Variants in PCDHA2 observed in about 807,000 individuals in gnomAD.
PCDHA2 encodes protocadherin alpha-2.
A neutral mutation model predicts 66.0 loss-of-function variants in PCDHA2; 58 were observed. The ratio of observed to expected loss-of-function variants is 0.88; its 90% CI spans 0.71 to 1.09. PCDHA2 has a LOEUF of 1.09. PCDHA2 is among the 50% of genes least tolerant of loss of function. The probability of loss-of-function intolerance (pLI) is 0.00; values close to 1 mark genes in which losing one functional copy is unlikely to be tolerated. For missense variants in PCDHA2, 1,267 were observed against 1,242.3 expected, an observed-to-expected ratio of 1.02 and a Z score of -0.30; for synonymous variants, 634 against 554.0, an observed-to-expected ratio of 1.14 and a Z score of -2.03.
Position 140,857,323 on chromosome 5 carries a change from C to A in PCDHA2, c.2388+59971C>A, listed in dbSNP as rs782769711. 1.5e-5 allele frequency: 24 copies of A among 1,598,498 alleles called. 1 individual carries two copies. The East Asian group carries it at 5.1e-4, about 34-fold the overall frequency. On this transcript the variant is annotated intron_variant, in intron 1 of 3. Transcript: ENST00000526136. ...TGTCGGCCTATGAGCTGGTGGTGAC[C>A]GCGCGGGACGGGGGCTCGCCTCCGC...
intron 1 of PCDHA2, chr5:140,848,872 T>C: frequency 6.3e-7 from 1 of 1,590,738 alleles, no homozygotes; most frequent in Non-Finnish European, 8.6e-7. Flanking sequence ...GTGAAGGACA[T>C]TAACGACAAC....
At chr5:140,822,585 G>C (rs2150117508) in intron 1 of PCDHA2, 20 of 1,611,928 alleles carry the variant, frequency 1.2e-5, no homozygotes, top group Non-Finnish European at 1.6e-5. Context: ...ATGCAGATGA[G>C]GGCATCAATA....
At position 140,905,743 on chromosome 5, in the gene PCDHA2, C is replaced by G. The variant is rs550937383; in HGVS notation, c.2389-73206C>G. On this transcript the variant is annotated intron_variant, in intron 1 of 3. Coordinates refer to ENST00000526136, the MANE Select transcript of PCDHA2 (RefSeq NM_018905.3). ...GTTTTGTAGTTTTCCTTGTAGAGAT[C>G]TTTCACCTCCTTGGTTAAGTATATT... Among the ~76,000 whole-genome samples, 7 of 152,232 alleles carry G rather than the reference C, an allele frequency of 4.6e-5. No individual in the cohort carries two copies. In the South Asian group the frequency reaches 1.0e-3, roughly 23 times the overall value.
At chr5:140,869,615 G>A (rs373081906) in intron 1 of PCDHA2, 4 of 1,613,740 alleles carry the variant, frequency 2.5e-6, no homozygotes, top group East Asian at 4.5e-5. Flanking sequence ...TTGACCTACA[G>A]GCTAAGTAAA....
At chr5:140,821,582 C>T in intron 1 of PCDHA2, 1 of 622,440 alleles carries the variant, frequency 1.6e-6, no homozygotes, top group Non-Finnish European at 2.6e-6. Flanking sequence ...AGGTTTTTCT[C>T]CCTTCCCAGC....
At chr5:140,882,675 G>C in intron 1 of PCDHA2, 1 of 1,614,218 alleles carries the variant, frequency 6.2e-7, no homozygotes, top group East Asian at 2.2e-5. Flanking sequence ...TTCCCTGAAA[G>C]CAAGAAACGA....
intron 1 of PCDHA2, chr5:140,807,835 T>C (rs1554124302): frequency 1.9e-6 from 3 of 1,614,194 alleles, no homozygotes; most frequent in South Asian, 2.2e-5. Context: ...CAGCCACTGA[T>C]GGAGGCAAAC....
intron 3 of PCDHA2, among the ~76,000 whole-genome samples, chr5:141,003,398 G>A (rs1282074480): frequency 1.3e-5 from 2 of 152,114 alleles, no homozygotes; most frequent in African/African-American, 4.8e-5. Flanking sequence ...TGAAACCTCC[G>A]CCTCCCGGGT....
chr5:140,836,437 G>A (rs1447681112), intron 1 of PCDHA2: 1 of 1,613,724 alleles, frequency 6.2e-7, no homozygotes, highest in African/African-American at 1.3e-5. Flanking sequence ...GCATCGTTGG[G>A]CATTGCAGGC....
rs2098421039 is a variant in PCDHA2, at chr5:141,011,549, G to GA, written c.*1615dup. 1 of 153,674 alleles carries GA rather than the reference G, an allele frequency of 6.5e-6. No individual in the cohort carries two copies. The highest frequency in any genetic ancestry group is 1.5e-5 in the Non-Finnish European group (1 of 68,008). The allele number at this position is 153,674 out of a possible 1,614,324, so 9.5% of individuals were successfully genotyped here. A position where few individuals can be genotyped will look rare whatever the true frequency, so the allele number is the denominator to read the frequency against. Reference sequence around the variant, plus strand: ...CCATTGTTAATCAGCTTTTGTGTATGAAAGACACAGTAAAATTTCTTTCTT... The same window carrying GA: ...CCATTGTTAATCAGCTTTTGTGTATGAAAAGACACAGTAAAATTTCTTTCTT... On this transcript the variant is annotated 3_prime_UTR_variant, in exon 4 of 4. Coordinates refer to ENST00000526136, the MANE Select transcript of PCDHA2 (RefSeq NM_018905.3).
At chr5:140,830,063 G>A (rs1554132505) in intron 1 of PCDHA2, 1 of 1,613,704 alleles carries the variant, frequency 6.2e-7, no homozygotes, top group Non-Finnish European at 8.5e-7. Context: ...CGGTGAGCCG[G>A]CGCTGACAGC....
At position 141,009,879 on chromosome 5, in the gene PCDHA2, A is replaced by G; in HGVS notation, c.2789A>G (p.Asn930Ser). Reference protein sequence around the residue: ...TKKKKKKKKGNKTQEKKEKGN... With the variant: ...TKKKKKKKKGSKTQEKKEKGN... ...AAAAAGAAGAAAAAGAAGAAGGGTA[A>G]CAAGACCCAGGAGAAAAAAGAGAAA... Residue 930 changes from asparagine (N) to serine (S), a missense_variant, in exon 4 of 4, where the codon AAC (asparagine) becomes AGC (serine). Asn to Ser is a conservative substitution (Grantham distance 46). Coordinates refer to ENST00000526136, the MANE Select transcript of PCDHA2 (RefSeq NM_018905.3). 12 of 1,613,884 alleles carry G rather than the reference A, an allele frequency of 7.4e-6. No individual in the cohort carries two copies. Among genetic ancestry groups the G allele is most frequent in the Non-Finnish European group, 1.0e-5 (12 of 1,179,984 alleles).
intron 1 of PCDHA2, chr5:140,875,764 C>A (rs782377276): frequency 6.2e-7 from 1 of 1,614,196 alleles, no homozygotes; most frequent in Non-Finnish European, 8.5e-7. Flanking sequence ...GCTGTGCGGG[C>A]GGAGCGCGGA....
At chr5:140,937,981 T>TA (rs1554211927) in intron 1 of PCDHA2, among the ~76,000 whole-genome samples, 2 of 152,254 alleles carry the variant, frequency 1.3e-5, no homozygotes, top group Non-Finnish European at 2.9e-5. Flanking sequence ...ATACTGATTT[T>TA]ATGTTAACTT....
intron 3 of PCDHA2, among the ~76,000 whole-genome samples, chr5:140,996,121 G>A (rs2097712758): frequency 6.6e-6 from 1 of 152,212 alleles, no homozygotes; most frequent in Admixed American, 6.5e-5. Flanking sequence ...GTGCAGGGTG[G>A]TGTAGAGGGT....
intron 1 of PCDHA2, chr5:140,876,998 C>T: frequency 6.2e-7 from 1 of 1,612,502 alleles, no homozygotes; most frequent in South Asian, 1.1e-5. Flanking sequence ...AGCTACGTGT[C>T]GGTGCACGCG....
chr5:140,877,516 G>A, intron 1 of PCDHA2: 1 of 1,613,816 alleles, frequency 6.2e-7, no homozygotes, highest in Non-Finnish European at 8.5e-7. Flanking sequence ...GTCGTCGCGG[G>A]CCTCAGTGGG....
chr5:140,858,487 C>G (rs896590695), intron 1 of PCDHA2: 5 of 1,499,788 alleles, frequency 3.3e-6, no homozygotes, highest in Non-Finnish European at 4.5e-6. Flanking sequence ...ATAATATTTT[C>G]TCTTACCGCA....
chr5:140,850,566 G>GTGAC (rs1554144512), intron 1 of PCDHA2: 1 of 1,598,448 alleles, frequency 6.3e-7, no homozygotes, highest in Admixed American at 1.7e-5. Flanking sequence ...GGGCCCCGAG[G>GTGAC]TGACGCTGGT....
Sources: allele counts gnomAD v4.1 joint callset (sites outside exome capture counted in the v4.1 genomes callset), GRCh38; gene constraint gnomAD v4.1.1; transcripts MANE v1.5; gene names NCBI Gene and HGNC (gene_info 2026-07-23, HGNC 2026-07-21).